The following PTPRR variants were observed in gnomAD, a reference collection of about 807,000 sequenced individuals.
PTPRR encodes receptor-type tyrosine-protein phosphatase R.
Under a neutral mutation model 77.2 loss-of-function variants are expected in PTPRR, and 38 were observed. That is an observed-to-expected ratio of 0.49 (90% CI 0.38 to 0.65). PTPRR has a LOEUF of 0.65. Among genes scored for constraint, PTPRR ranks in the 30% least tolerant of loss-of-function variants. The pLI is 0.00. For missense variants in PTPRR, 744 were observed against 799.2 expected (o/e 0.93, Z 0.83); for synonymous variants, 299 against 283.1 (o/e 1.06, Z -0.57).
At chr12:70,891,737 TAAGTA>T (rs747651781) in intron 2 of PTPRR, among the ~76,000 whole-genome samples, 5 of 152,090 alleles carry the variant, frequency 3.3e-5, no homozygotes, top group Admixed American at 6.6e-5. Context: ...TTCTCAATAT[TAAGTA>T]AAGTATACTA....
At chr12:70,822,289 C>G (rs1346525513) in intron 2 of PTPRR, among the ~76,000 whole-genome samples, 3 of 152,074 alleles carry the variant, frequency 2.0e-5, no homozygotes, top group African/African-American at 7.2e-5. Flanking sequence ...CAGCAGACAG[C>G]AAGGATTTCC....
chr12:70,660,953 C>A lies in PTPRR; in HGVS notation c.1753G>T (p.Val585Phe). 6.2e-7 allele frequency: 1 copy of A among 1,613,304 alleles called. No homozygotes were observed. Among genetic ancestry groups the A allele is most frequent in the Non-Finnish European group, 8.5e-7 (1 of 1,179,620 alleles). The change falls in exon 12 of 14, where the codon GTT becomes TTT. Residue 585 changes from valine (V) to phenylalanine (F), a missense_variant. Around this residue, in one of 3 missense-constraint regions of PTPRR, gnomAD observed 170 missense variants for 209.8 expected, o/e 0.81. Transcript: ENST00000283228. Reference protein sequence around the residue: ...RLASQGRGPVVVHCSAGIGRT... With the variant: ...RLASQGRGPVFVHCSAGIGRT... ...TACACGTCTTACCTGCAGTGGACAA[C>A]CACAGGCCCTCGGCCCTGGGAAGCA... is the stretch of plus-strand genomic sequence containing the variant.
intron 6 of PTPRR, among the ~76,000 whole-genome samples, chr12:70,703,972 T>C (rs1242479741): frequency 6.6e-6 from 1 of 152,098 alleles, no homozygotes; most frequent in Non-Finnish European, 1.5e-5. Context: ...GGAAAAAAAG[T>C]GTAGGAGAAT....
intron 2 of PTPRR, among the ~76,000 whole-genome samples, chr12:70,829,249 G>GAAATAGAGAAATAAAT (rs1892169456): frequency 6.7e-6 from 1 of 149,066 alleles, no homozygotes; most frequent in African/African-American, 2.5e-5. Context: ...GAAGGAAAGA[G>GAAATAGAGAAATAAAT]AAATAAATAA....
At chr12:70,685,259 G>T (rs938614070) in intron 8 of PTPRR, among the ~76,000 whole-genome samples, 7 of 151,972 alleles carry the variant, frequency 4.6e-5, no homozygotes, top group African/African-American at 1.7e-4. Context: ...CTGATCTTCC[G>T]AGATGGATGA....
At chr12:70,824,938 C>T (rs1186699113) in intron 2 of PTPRR, among the ~76,000 whole-genome samples, 1 of 152,194 alleles carries the variant, frequency 6.6e-6, no homozygotes, top group Non-Finnish European at 1.5e-5. Context: ...CACAGTAACC[C>T]TGCTAGGTAG....
Position 70,754,293 on chromosome 12 carries a change from A to G in PTPRR, c.636T>C (p.Val212=). The G allele has an allele frequency of 6.2e-7, 1 of 1,613,276 alleles. No individual in the cohort carries two copies. The highest frequency in any genetic ancestry group is 1.3e-5 in the African/African-American group (1 of 74,976). The change falls in exon 5 of 14, where the codon GTT becomes GTC. Residue 212 remains valine, a synonymous_variant. Coordinates refer to ENST00000283228, the MANE Select transcript of PTPRR (RefSeq NM_002849.4). Reference sequence around the variant, plus strand: ...TGTCCGCTTCATGCTGCCCTTGTAAAACATTTTTCTTTAAAAGCAAAACAG... The same window carrying G: ...TGTCCGCTTCATGCTGCCCTTGTAAGACATTTTTCTTTAAAAGCAAAACAG... ...GITEVSPEKN[V]LQGQHEADKI... is the part of the protein sequence containing the mutation.
chr12:70,660,608 G>T (rs1416832285), intron 12 of PTPRR, among the ~76,000 whole-genome samples: 2 of 152,142 alleles, frequency 1.3e-5, no homozygotes, highest in Non-Finnish European at 2.9e-5. Context: ...TTTATTCCTG[G>T]TGTGTACAAG....
At chr12:70,729,780 T>G (rs1387247985) in intron 6 of PTPRR, among the ~76,000 whole-genome samples, 1 of 152,124 alleles carries the variant, frequency 6.6e-6, no homozygotes, top group Non-Finnish European at 1.5e-5. Context: ...CAGCTTACAA[T>G]TTAGTTTACT....
chr12:70,800,896 A>AT (rs1235306659), intron 2 of PTPRR, among the ~76,000 whole-genome samples: 4 of 147,650 alleles, frequency 2.7e-5, no homozygotes, highest in African/African-American at 1.0e-4. Context: ...ACTCCATCTC[A>AT]TAAAAAAAAA....
chr12:70,912,958 C>T (rs908461486), intron 1 of PTPRR, among the ~76,000 whole-genome samples: 1 of 151,990 alleles, frequency 6.6e-6, no homozygotes, highest in Non-Finnish European at 1.5e-5. Context: ...ACTCATGGGC[C>T]AAGTAGAATC....
At chr12:70,802,329 T>C (rs1891630867) in intron 2 of PTPRR, among the ~76,000 whole-genome samples, 1 of 152,228 alleles carries the variant, frequency 6.6e-6, no homozygotes, top group African/African-American at 2.4e-5. Context: ...AAATACTGTC[T>C]CATTTACTCT....
intron 2 of PTPRR, among the ~76,000 whole-genome samples, chr12:70,785,590 G>A (rs1010221617): frequency 6.6e-6 from 1 of 152,092 alleles, no homozygotes; most frequent in Non-Finnish European, 1.5e-5. Flanking sequence ...ATTCACTGGA[G>A]GAGATAAAGC....
At chr12:70,772,359 C>T (rs1341293076) in intron 2 of PTPRR, among the ~76,000 whole-genome samples, 1 of 152,074 alleles carries the variant, frequency 6.6e-6, no homozygotes, top group East Asian at 1.9e-4. Context: ...AGGGGAACTT[C>T]CCTCAGCTTG....
At chr12:70,848,158 A>G (rs923485207) in intron 2 of PTPRR, among the ~76,000 whole-genome samples, 1 of 152,194 alleles carries the variant, frequency 6.6e-6, no homozygotes, top group Non-Finnish European at 1.5e-5. Context: ...GTACAGGCCT[A>G]AACGAACTGT....
rs1592819371 is a variant in PTPRR, at chr12:70,893,095, G to A, written c.59-118C>T. 4 of 1,107,524 alleles carry A rather than the reference G, an allele frequency of 3.6e-6. No individual in the cohort carries two copies. In the East Asian group the frequency reaches 7.5e-5, roughly 21 times the overall value. 68.6% of individuals were successfully genotyped at this position (1,107,524 alleles called of 1,614,324 possible). A position where few individuals can be genotyped will look rare whatever the true frequency, so the allele number is the denominator to read the frequency against. The stretch of plus-strand genomic sequence containing the variant: ...GGCTTTAAGACTTGTGAAGGATTTA[G>A]GTTAGTCTCCATATTTCTTTGTCTG... On this transcript the variant is annotated intron_variant, in intron 1 of 13. Transcript: ENST00000283228.
intron 2 of PTPRR, among the ~76,000 whole-genome samples, chr12:70,869,372 C>T (rs918052857): frequency 2.6e-5 from 4 of 152,032 alleles, no homozygotes; most frequent in Non-Finnish European, 4.4e-5. Context: ...TTTGAGGAGA[C>T]TCACACGAGG....
At chr12:70,651,193 C>A (rs749035914) in intron 13 of PTPRR, among the ~76,000 whole-genome samples, 1 of 152,200 alleles carries the variant, frequency 6.6e-6, no homozygotes, top group Non-Finnish European at 1.5e-5. Flanking sequence ...AAGCCCTCTT[C>A]AATTTCCCTT....
intron 2 of PTPRR, among the ~76,000 whole-genome samples, chr12:70,765,655 G>C (rs186072293): frequency 0.011 from 1,617 of 152,300 alleles, 27 homozygotes; most frequent in African/African-American, 0.036. Flanking sequence ...TTTGAAGAGA[G>C]CAGTGGTTCT....
Sources: allele counts gnomAD v4.1 joint callset (sites outside exome capture counted in the v4.1 genomes callset), GRCh38; gene constraint gnomAD v4.1.1; regional missense constraint gnomAD v4.1.1; transcripts MANE v1.5; gene names NCBI Gene and HGNC (gene_info 2026-07-23, HGNC 2026-07-21).